The following CRYBG1 variants were observed in gnomAD, a reference collection of about 807,000 sequenced individuals.
CRYBG1 encodes the protein beta/gamma crystallin domain-containing protein 1.
In CRYBG1, 139 loss-of-function variants were observed where a neutral mutation model predicts 189.2. The ratio of observed to expected loss-of-function variants is 0.73; its 90% CI spans 0.64 to 0.85. The LOEUF is 0.85. CRYBG1 is among the 40% of genes least tolerant of loss of function. CRYBG1 has a pLI of 0.00. For missense variants in CRYBG1, 2,611 were observed against 2,675.8 expected (o/e 0.98, Z 0.53); for synonymous variants, 1,023 against 1,017.1 (o/e 1.01, Z -0.11).
chr6:106,381,483 G>C (rs567458325), intron 1 of CRYBG1, among the ~76,000 whole-genome samples: 1 of 152,156 alleles, frequency 6.6e-6, no homozygotes, highest in African/African-American at 2.4e-5. Flanking sequence ...GGTTACCTAG[G>C]AGATTGGCAT....
intron 1 of CRYBG1, among the ~76,000 whole-genome samples, chr6:106,376,785 G>C (rs1051395991): frequency 6.6e-6 from 1 of 152,128 alleles, no homozygotes; most frequent in Non-Finnish European, 1.5e-5. Flanking sequence ...TCGGTTCTCT[G>C]CTGAGAACCT....
At chr6:106,560,205 G>A (rs1007797010) in intron 18 of CRYBG1, among the ~76,000 whole-genome samples, 7 of 151,724 alleles carry the variant, frequency 4.6e-5, no homozygotes, top group Admixed American at 4.6e-4. Context: ...ATTTTATCCA[G>A]GATTTAAGTT....
chr6:106,502,132 C>T (rs1052133958), intron 2 of CRYBG1, among the ~76,000 whole-genome samples: 2 of 152,210 alleles, frequency 1.3e-5, no homozygotes, highest in Admixed American at 1.3e-4. Flanking sequence ...CCTCTTTCCC[C>T]CAACTTAATC....
chr6:106,368,113 C>T (rs144252267), intron 1 of CRYBG1, among the ~76,000 whole-genome samples: 23 of 151,648 alleles, frequency 1.5e-4, no homozygotes, highest in African/African-American at 5.6e-4. Flanking sequence ...TTACTATGAA[C>T]ATTAAAAATA....
chr6:106,391,970 T>TGCGCGC (rs1554231578), intron 1 of CRYBG1, among the ~76,000 whole-genome samples: 5 of 78,330 alleles, frequency 6.4e-5, no homozygotes, highest in Non-Finnish European at 1.3e-4. Flanking sequence ...TGTGTGTGTG[T>TGCGCGC]GCGTGCGCGT....
intron 1 of CRYBG1, among the ~76,000 whole-genome samples, chr6:106,420,137 G>A (rs1347865922): frequency 6.6e-6 from 1 of 152,200 alleles, no homozygotes; most frequent in Non-Finnish European, 1.5e-5. Flanking sequence ...AAAAGTGACT[G>A]AGGCAGGTCT....
At position 106,525,133 on chromosome 6, in the gene CRYBG1, A is replaced by T; in HGVS notation, c.4246A>T (p.Thr1416Ser). Residue 1416 changes from threonine to serine, a missense_variant and splice_region_variant, in exon 5 of 22, where the codon ACA becomes TCA. By Grantham distance (58) the Thr-to-Ser change is moderately conservative. This residue lies in a region of CRYBG1 where 1,622 missense variants were observed against 1,735.0 expected (regional missense o/e 0.93). Coordinates refer to ENST00000633556, the MANE Select transcript of CRYBG1 (RefSeq NM_001371242.2). ...FSGMSLSDTM[T>S]LRGSVQNKLN... is the part of the protein sequence containing the mutation. ...TGTGTTTTTGTTCATCTGATTGCAG[A>T]CACTTAGAGGAAGTGTCCAAAATAA... The T allele has an allele frequency of 6.2e-7, 1 of 1,614,008 alleles. No individual in the cohort carries two copies. Among genetic ancestry groups the T allele is most frequent in the Non-Finnish European group, 8.5e-7 (1 of 1,179,922 alleles).
intron 2 of CRYBG1, among the ~76,000 whole-genome samples, chr6:106,471,728 C>A (rs892304700): frequency 1.3e-5 from 2 of 151,552 alleles, no homozygotes; most frequent in Non-Finnish European, 2.9e-5. Context: ...GTTCTCCAGG[C>A]CTCCCCACCC....
intron 1 of CRYBG1, among the ~76,000 whole-genome samples, chr6:106,432,840 C>CTTTTTTTTTT (rs5878888): frequency 7.8e-6 from 1 of 128,882 alleles, no homozygotes; most frequent in Non-Finnish European, 1.6e-5. Flanking sequence ...TCTTTTCTTT[C>CTTTTTTTTTT]TTTTTTTTTT....
At position 106,512,716 on chromosome 6, in the gene CRYBG1, C is replaced by T. The variant is rs565406522; in HGVS notation, c.1599C>T (p.Pro533=). ...TGCCCGCCCCGCCCGCCAGCGGCCC[C>T]CGGGCTCCCGCCAAGGAGTCCCCAC... ...EAVPAPPASG[P]RAPAKESPPK... Residue 533 remains proline, a synonymous_variant, in exon 3 of 22, where the codon CCC becomes CCT. Transcript: ENST00000633556. 2.6e-6 allele frequency: 4 copies of T among 1,553,944 alleles called. No individual in the cohort carries two copies. In the African/African-American group the frequency reaches 5.4e-5, roughly 21 times the overall value.
intron 14 of CRYBG1, 96 bp downstream of exon 14, chr6:106,552,074 A>G: frequency 2.8e-6 from 4 of 1,453,184 alleles, no homozygotes; most frequent in Middle Eastern, 3.6e-4. Context: ...GCTATGGAAA[A>G]TATTCTGAGT....
intron 8 of CRYBG1, among the ~76,000 whole-genome samples, chr6:106,532,194 A>C (rs939587199): frequency 6.6e-6 from 1 of 152,164 alleles, no homozygotes; most frequent in Non-Finnish European, 1.5e-5. Flanking sequence ...TCTTCTAGCT[A>C]TTTTGAAATA....
chr6:106,385,000 C>T (rs1248377548), intron 1 of CRYBG1, among the ~76,000 whole-genome samples: 1 of 152,042 alleles, frequency 6.6e-6, no homozygotes, highest in Non-Finnish European at 1.5e-5. Flanking sequence ...CTTTATCTGC[C>T]GACTTGAACA....
rs766695611 is a variant in CRYBG1, at chr6:106,558,610, A to G, written c.5840A>G (p.Gln1947Arg). Residue 1947 changes from glutamine (Q) to arginine (R), a missense_variant, in exon 18 of 22, where the codon CAG becomes CGG. Gln to Arg is a conservative substitution (Grantham distance 43). Coordinates refer to ENST00000633556, the MANE Select transcript of CRYBG1 (RefSeq NM_001371242.2). ...LGFNTQIRSV[Q>R]VIGGIWVTYE... Reference sequence around the variant, plus strand: ...TTCAACACACAAATACGCTCTGTTCAGGTTATTGGTGGCATGTGAGTTACC... The same window carrying G: ...TTCAACACACAAATACGCTCTGTTCGGGTTATTGGTGGCATGTGAGTTACC... 6.2e-7 allele frequency: 1 copy of G among 1,601,832 alleles called. No individual in the cohort carries two copies.
At chr6:106,565,060 C>T (rs1774840455) in intron 21 of CRYBG1, among the ~76,000 whole-genome samples, 1 of 152,184 alleles carries the variant, frequency 6.6e-6, no homozygotes, top group Non-Finnish European at 1.5e-5. Flanking sequence ...TGGCTCACGC[C>T]TGTAATCCCA....
intron 15 of CRYBG1, among the ~76,000 whole-genome samples, chr6:106,553,082 G>A (rs374352648): frequency 6.6e-6 from 1 of 152,210 alleles, no homozygotes; most frequent in Admixed American, 6.5e-5. Flanking sequence ...CATTGAGAAG[G>A]AAGGAAACTA....
chr6:106,519,757 C>T lies in CRYBG1; in HGVS notation c.2549C>T (p.Thr850Met), dbSNP rs377596539. The T allele has an allele frequency of 1.7e-5, 27 of 1,614,186 alleles. No homozygotes were observed. Among genetic ancestry groups the T allele is most frequent in the East Asian group, 8.9e-5 (4 of 44,886 alleles). Residue 850 changes from threonine (T) to methionine (M), a missense_variant, in exon 4 of 22, where the codon ACG (threonine) becomes ATG (methionine). Physicochemically the swap from Thr to Met is moderately conservative, Grantham distance 81. Transcript: ENST00000633556. The stretch of plus-strand genomic sequence containing the variant: ...GTGGATACCAAAGATTTACCTCCAA[C>T]GGCCATGCCAAAGCCACAGCATACA... ...TTVDTKDLPP[T>M]AMPKPQHTFS...
chr6:106,521,595 C>T, intron 4 of CRYBG1, 142 bp downstream of exon 4: 1 of 1,002,966 alleles, frequency 1.0e-6, no homozygotes, highest in East Asian at 2.6e-5. Flanking sequence ...TATTTGAAAA[C>T]CTGCAATGTA....
At chr6:106,419,828 A>T (rs746126333) in intron 1 of CRYBG1, among the ~76,000 whole-genome samples, 13 of 152,346 alleles carry the variant, frequency 8.5e-5, no homozygotes, top group Non-Finnish European at 1.8e-4. Context: ...GAAAAAAATC[A>T]TCTGAGCAGA....
Sources: allele counts gnomAD v4.1 joint callset (sites outside exome capture counted in the v4.1 genomes callset), GRCh38; gene constraint gnomAD v4.1.1; regional missense constraint gnomAD v4.1.1; transcripts MANE v1.5; gene names NCBI Gene and HGNC (gene_info 2026-07-23, HGNC 2026-07-21).